MACROD2: variants seen among roughly 807,000 people sequenced by gnomAD.
The protein encoded by MACROD2 is mono-ADP ribosylhydrolase 2.
A neutral mutation model predicts 70.4 loss-of-function variants in MACROD2; 36 were observed. That is an observed-to-expected ratio of 0.51 (90% CI 0.39 to 0.68). The LOEUF (loss-of-function observed/expected upper bound fraction) is 0.68. MACROD2 is among the 30% of genes least tolerant of loss of function. The pLI, the probability that MACROD2 is intolerant of heterozygous loss-of-function variation, is 0.00. For missense variants in MACROD2, 496 were observed against 538.4 expected (o/e 0.92, Z 0.78); for synonymous variants, 172 against 178.8 (o/e 0.96, Z 0.30).
chr20:15,265,185 C>T (rs893658271), intron 6 of MACROD2, among the ~76,000 whole-genome samples: 2 of 152,144 alleles, frequency 1.3e-5, no homozygotes, highest in African/African-American at 4.8e-5. Context: ...TGCAAGCTCT[C>T]CTCTCTGTGT....
intron 10 of MACROD2, among the ~76,000 whole-genome samples, chr20:15,913,126 T>C (rs1245511161): frequency 6.6e-6 from 1 of 152,114 alleles, no homozygotes; most frequent in African/African-American, 2.4e-5. Context: ...CATTTAAAAA[T>C]ATATTAGGCA....
At chr20:15,884,521 CTG>C (rs1386276911) in intron 9 of MACROD2, among the ~76,000 whole-genome samples, 3 of 152,038 alleles carry the variant, frequency 2.0e-5, no homozygotes, top group African/African-American at 7.2e-5. Flanking sequence ...AGTCACTGAA[CTG>C]TTGTGAACCA....
At chr20:14,112,597 G>T (rs1421957766) in intron 3 of MACROD2, among the ~76,000 whole-genome samples, 1 of 151,752 alleles carries the variant, frequency 6.6e-6, no homozygotes, top group African/African-American at 2.4e-5. Flanking sequence ...ACATATACAG[G>T]TCAACTTAAT....
intron 5 of MACROD2, among the ~76,000 whole-genome samples, chr20:14,991,337 A>G (rs562593138): frequency 1.8e-4 from 27 of 152,288 alleles, no homozygotes; most frequent in African/African-American, 6.5e-4. Flanking sequence ...TCAAACACAA[A>G]TGCCTAGGTC....
intron 5 of MACROD2, among the ~76,000 whole-genome samples, chr20:15,226,437 G>T (rs1238411562): frequency 6.6e-6 from 1 of 151,988 alleles, no homozygotes; most frequent in East Asian, 1.9e-4. Context: ...TATACCAAGG[G>T]ATTCAAAACC....
At chr20:14,805,181 G>A (rs779964306) in intron 5 of MACROD2, among the ~76,000 whole-genome samples, 5 of 151,992 alleles carry the variant, frequency 3.3e-5, no homozygotes, top group Non-Finnish European at 5.9e-5. Context: ...GTGGTATAAT[G>A]GTTGCCCAAA....
chr20:15,415,012 A>G (rs1370028098), intron 6 of MACROD2, among the ~76,000 whole-genome samples: 1 of 152,194 alleles, frequency 6.6e-6, no homozygotes, highest in Non-Finnish European at 1.5e-5. Flanking sequence ...GGAGAAGTTT[A>G]GATGATGCTT....
rs528193437 is a variant in MACROD2 at position 16,043,678 on chromosome 20, G to A, written c.1232-893G>A. Among the ~76,000 whole-genome samples the A allele has an allele frequency of 5.9e-5, 9 of 152,088 alleles. No individual in the cohort carries two copies. In the East Asian group the frequency reaches 1.6e-3, roughly 26 times the overall value. ...AACTACGGGATCTGGTTAGATGGTC[G>A]GCTTTTTAATTTCATGGCCGCTCAC... On this transcript the variant is annotated intron_variant, in intron 16 of 17. Coordinates refer to ENST00000684519, the MANE Select transcript of MACROD2 (RefSeq NM_001351661.2).
chr20:15,381,338 C>T (rs2045641476), intron 6 of MACROD2, among the ~76,000 whole-genome samples: 3 of 151,790 alleles, frequency 2.0e-5, no homozygotes, highest in Admixed American at 2.0e-4. Flanking sequence ...ACTAAGGCCA[C>T]CGAGAGAGCA....
intron 8 of MACROD2, among the ~76,000 whole-genome samples, chr20:15,609,166 G>A (rs1173298470): frequency 6.6e-6 from 1 of 152,134 alleles, no homozygotes; most frequent in African/African-American, 2.4e-5. Flanking sequence ...ACCCCCAGGT[G>A]CTCTGGGATG....
intron 15 of MACROD2, among the ~76,000 whole-genome samples, chr20:16,035,136 T>A (rs1392049700): frequency 0.57 from 43,516 of 76,948 alleles, 9,100 homozygotes; most frequent in East Asian, 0.67. Context: ...ATATTATATA[T>A]TATATATTAT....
At chr20:15,578,031 C>T (rs1358729464) in intron 8 of MACROD2, among the ~76,000 whole-genome samples, 2 of 152,174 alleles carry the variant, frequency 1.3e-5, no homozygotes, top group East Asian at 1.9e-4. Context: ...GTTTTACTTT[C>T]AGTTAATATG....
chr20:14,290,456 A>C (rs115377521), intron 3 of MACROD2, among the ~76,000 whole-genome samples: 2,284 of 151,968 alleles, frequency 0.015, 24 homozygotes, highest in African/African-American at 0.027. Context: ...GGCCACAGCC[A>C]ACCTCAGATC....
intron 5 of MACROD2, among the ~76,000 whole-genome samples, chr20:14,966,541 A>G (rs2074638631): frequency 6.6e-6 from 1 of 152,064 alleles, no homozygotes; most frequent in African/African-American, 2.4e-5. Flanking sequence ...GTGTCACTGC[A>G]CTCCAGCCTG....
chr20:15,870,506 C>T (rs1440329644), intron 9 of MACROD2, among the ~76,000 whole-genome samples: 1 of 152,074 alleles, frequency 6.6e-6, no homozygotes, highest in Non-Finnish European at 1.5e-5. Context: ...GAGGTAAGAC[C>T]TTTAAGAGTG....
chr20:14,670,639 T>C (rs78898387), intron 4 of MACROD2, among the ~76,000 whole-genome samples: 3,931 of 152,280 alleles, frequency 0.026, 126 homozygotes, highest in African/African-American at 0.067. Context: ...CAAAATGGCA[T>C]CAGGCTTCAA....
intron 5 of MACROD2, among the ~76,000 whole-genome samples, chr20:15,019,611 T>G (rs2075148814): frequency 6.6e-6 from 1 of 152,186 alleles, no homozygotes; most frequent in African/African-American, 2.4e-5. Context: ...TTTAAACCTT[T>G]TCGTTACTTC....
rs1600211621 is a variant in MACROD2 at position 14,409,898 on chromosome 20, G to A, written c.272-83581G>A. Reference sequence around the variant, plus strand: ...TCTTTAGAAGAAACATGAAAGTATAGCAGAGCTGTAGCTCTTCCCATATCT... The same window carrying A: ...TCTTTAGAAGAAACATGAAAGTATAACAGAGCTGTAGCTCTTCCCATATCT... On this transcript the variant is annotated intron_variant, in intron 3 of 17. Transcript: ENST00000684519. 2.0e-5 allele frequency among the ~76,000 whole-genome samples: 3 copies of A among 152,118 alleles called. No homozygotes were observed. In the East Asian group the frequency reaches 5.8e-4, roughly 29 times the overall value.
At chr20:14,474,780 G>A (rs940055751) in intron 3 of MACROD2, among the ~76,000 whole-genome samples, 2 of 151,972 alleles carry the variant, frequency 1.3e-5, no homozygotes, top group African/African-American at 4.8e-5. Context: ...TGCAATGAAT[G>A]TTGCCACCTC....
Sources: allele counts gnomAD v4.1 joint callset (sites outside exome capture counted in the v4.1 genomes callset), GRCh38; gene constraint gnomAD v4.1.1; transcripts MANE v1.5; gene names NCBI Gene and HGNC (gene_info 2026-07-23, HGNC 2026-07-21).